The following ABL2 variants were observed in gnomAD, a reference collection of about 807,000 sequenced individuals.
The protein encoded by ABL2 is ABL proto-oncogene 2, non-receptor tyrosine kinase.
In ABL2, 49 loss-of-function variants were observed where a neutral mutation model predicts 107.7. The observed-to-expected ratio is 0.45, with a 90% CI of 0.36 to 0.58. ABL2 has a LOEUF of 0.58. Among genes scored for constraint, ABL2 ranks in the 20% least tolerant of loss-of-function variants. ABL2 has a pLI of 0.00. For synonymous variants in ABL2, 549 were observed against 548.6 expected (o/e 1.00, Z -0.01); for missense variants, 1,245 against 1,457.0 (o/e 0.85, Z 2.37).
intron 3 of ABL2, among the ~76,000 whole-genome samples, chr1:179,130,312 C>T (rs1656163996): frequency 1.3e-5 from 2 of 152,316 alleles, no homozygotes; most frequent in South Asian, 4.1e-4. Context: ...AGAATGTCTG[C>T]GAACTTGACT....
Position 179,126,439 on chromosome 1 carries a change from T to C in ABL2, c.625A>G (p.Ile209Val). 1.2e-6 allele frequency: 2 copies of C among 1,614,210 alleles called. No homozygotes were observed. The highest frequency in any genetic ancestry group is 1.7e-6 in the Non-Finnish European group (2 of 1,180,040). Residue 209 changes from isoleucine (I) to valine (V), a missense_variant, in exon 4 of 12, where the codon ATC becomes GTC. By Grantham distance (29) the Ile-to-Val change is conservative. Coordinates refer to ENST00000502732, the MANE Select transcript of ABL2 (RefSeq NM_007314.4). This position sits in a 1 kb window ranked among gnomAD's most constrained non-coding sequence, Gnocchi z 4.4. ...ACACGTCCCTCGTACCTGAGCGAGATGGACAGCTGCCCAGGGCTACTCTCA... is the reference window on the plus strand; with the variant it reads ...ACACGTCCCTCGTACCTGAGCGAGACGGACAGCTGCCCAGGGCTACTCTCA... ...ESESSPGQLS[I>V]SLRYEGRVYH...
intron 1 of ABL2, among the ~76,000 whole-genome samples, chr1:179,135,771 G>A (rs1656866111): frequency 1.4e-5 from 2 of 145,792 alleles, no homozygotes; most frequent in South Asian, 2.2e-4. Context: ...GTCCGGGAGG[G>A]AGGTGGGGGG....
At chr1:179,185,825 C>T (rs767862515) in intron 1 of ABL2, among the ~76,000 whole-genome samples, 1 of 152,048 alleles carries the variant, frequency 6.6e-6, no homozygotes, top group Non-Finnish European at 1.5e-5. Flanking sequence ...TCCTGTAATA[C>T]TATTTTTTTA....
Position 179,108,357 on chromosome 1 carries a change from T to A in ABL2, c.2910A>T (p.Gly970=), listed in dbSNP as rs1653669181. The A allele has an allele frequency of 1.2e-6, 2 of 1,614,184 alleles. No homozygotes were observed. The highest frequency in any genetic ancestry group is 2.7e-5 in the African/African-American group (2 of 75,052). Residue 970 remains glycine, a synonymous_variant, in exon 12 of 12, where the codon GGA becomes GGT. Transcript: ENST00000502732. ...LLSEHQVTSS[G]DKDRPRRVKP... is the part of the protein sequence containing the mutation. ...TTACCCGTCGGGGTCGGTCCTTGTC[T>A]CCAGAGGATGTGACCTGATGCTCAG...
intron 1 of ABL2, among the ~76,000 whole-genome samples, chr1:179,136,405 C>T (rs1656985157): frequency 6.6e-6 from 1 of 152,144 alleles, no homozygotes; most frequent in Admixed American, 6.6e-5. Context: ...GATCGGTGAC[C>T]TTACCCCCAA....
chr1:179,169,492 G>A (rs965867469), intron 1 of ABL2, among the ~76,000 whole-genome samples: 3 of 151,604 alleles, frequency 2.0e-5, no homozygotes, highest in African/African-American at 7.3e-5. Context: ...AGCTTGCAGT[G>A]AGCCAAGATT....
At chr1:179,195,230 G>A (rs1415657956) in intron 1 of ABL2, among the ~76,000 whole-genome samples, 2 of 152,202 alleles carry the variant, frequency 1.3e-5, no homozygotes, top group Non-Finnish European at 2.9e-5. Flanking sequence ...TGAGGTTGCA[G>A]TGAGCTGAGA....
intron 1 of ABL2, among the ~76,000 whole-genome samples, chr1:179,164,231 G>T (rs1659251281): frequency 6.6e-6 from 1 of 152,132 alleles, no homozygotes; most frequent in African/African-American, 2.4e-5. Flanking sequence ...CAGAAAATGT[G>T]TTGAAGCACA....
At chr1:179,136,026 C>T (rs534306135) in intron 1 of ABL2, among the ~76,000 whole-genome samples, 15 of 149,446 alleles carry the variant, frequency 1.0e-4, no homozygotes, top group African/African-American at 2.5e-4. Context: ...GCCCGGCCGC[C>T]CCTACTGGGA....
In ABL2 at chr1:179,229,581, C is replaced by A. The variant is rs1235898295; in HGVS notation, c.-184G>T. Reference sequence around the variant, plus strand: ...CGGCAGCCGCCGCGCTGCCTCCAGGCGACTCACAGATTCTGCTTTTCCCTC... The same window carrying A: ...CGGCAGCCGCCGCGCTGCCTCCAGGAGACTCACAGATTCTGCTTTTCCCTC... On this transcript the variant is annotated 5_prime_UTR_variant, in exon 1 of 12. Coordinates refer to ENST00000502732, the MANE Select transcript of ABL2 (RefSeq NM_007314.4). The A allele has an allele frequency of 1.4e-5, 8 of 584,676 alleles. No homozygotes were observed. The highest frequency in any genetic ancestry group is 4.3e-5 in the Admixed American group (1 of 23,292). The allele number at this position is 584,676 out of a possible 1,614,324, so 36.2% of individuals were successfully genotyped here. A position where few individuals can be genotyped will look rare whatever the true frequency, so the allele number is the denominator to read the frequency against.
At chr1:179,174,425 A>C (rs1016632247) in intron 1 of ABL2, among the ~76,000 whole-genome samples, 1 of 151,546 alleles carries the variant, frequency 6.6e-6, no homozygotes, top group South Asian at 2.1e-4. Flanking sequence ...CCTGACCAAC[A>C]TGGAGAAACT....
At chr1:179,147,234 A>G (rs1658060728) in intron 1 of ABL2, among the ~76,000 whole-genome samples, 2 of 148,596 alleles carry the variant, frequency 1.3e-5, no homozygotes, top group African/African-American at 5.0e-5. Context: ...AAGGATGCAG[A>G]GAAAAGGGAA....
At chr1:179,164,968 A>C (rs1380408458) in intron 1 of ABL2, among the ~76,000 whole-genome samples, 2 of 152,228 alleles carry the variant, frequency 1.3e-5, no homozygotes. Context: ...CAAGAGATGA[A>C]CAATAAAATA....
At chr1:179,216,462 G>A (rs1386415104) in intron 1 of ABL2, among the ~76,000 whole-genome samples, 2 of 152,102 alleles carry the variant, frequency 1.3e-5, no homozygotes, top group Non-Finnish European at 2.9e-5. Context: ...GTTTCGTAAG[G>A]ATGTTCATCA....
At chr1:179,158,850 A>G (rs1189531372) in intron 1 of ABL2, among the ~76,000 whole-genome samples, 1 of 152,262 alleles carries the variant, frequency 6.6e-6, no homozygotes, top group East Asian at 1.9e-4. Flanking sequence ...AATATATAAT[A>G]CAGCATATTA....
intron 1 of ABL2, among the ~76,000 whole-genome samples, chr1:179,159,171 G>T (rs1253831465): frequency 1.3e-5 from 2 of 152,124 alleles, no homozygotes; most frequent in African/African-American, 2.4e-5. Flanking sequence ...GTATAACTTG[G>T]ATGTAACCTA....
intron 1 of ABL2, among the ~76,000 whole-genome samples, chr1:179,161,566 C>G (rs887359463): frequency 1.3e-5 from 2 of 152,080 alleles, no homozygotes; most frequent in African/African-American, 4.8e-5. Flanking sequence ...ATAAAATCAG[C>G]TAGGCGTGGT....
intron 1 of ABL2, among the ~76,000 whole-genome samples, chr1:179,213,995 G>A (rs1662426349): frequency 6.6e-6 from 1 of 152,040 alleles, no homozygotes; most frequent in Non-Finnish European, 1.5e-5. Context: ...AAAAATATCA[G>A]TACAAAGTTA....
At chr1:179,122,204 G>T (rs893835963) in intron 4 of ABL2, among the ~76,000 whole-genome samples, 1 of 148,390 alleles carries the variant, frequency 6.7e-6, no homozygotes, top group African/African-American at 2.5e-5. Context: ...ATGAGCCACC[G>T]CTCCCGGCCT....
Sources: gnomAD v4.1 joint callset for allele counts (sites outside exome capture counted in the v4.1 genomes callset) on GRCh38, gnomAD v4.1.1 for gene constraint, Gnocchi (gnomAD v3.1) non-coding constraint, MANE v1.5 for transcripts, NCBI Gene and HGNC (gene_info 2026-07-23, HGNC 2026-07-21) for gene names.